Variants in GSTA3 observed in about 807,000 individuals in gnomAD.
GSTA3 encodes the protein glutathione S-transferase A3.
A neutral mutation model predicts 23.1 loss-of-function variants in GSTA3; 16 were observed. The observed-to-expected ratio is 0.69, with a 90% CI of 0.47 to 1.05. The LOEUF is 1.05. Among genes scored for constraint, GSTA3 ranks in the 50% least tolerant of loss-of-function variants. The pLI is 0.00. For missense variants in GSTA3, 319 were observed against 263.6 expected (o/e 1.21, Z -1.46); for synonymous variants, 122 against 91.0 (o/e 1.34, Z -1.94).
chr6:52,908,279 C>T (rs995115007), intron 1 of GSTA3, among the ~76,000 whole-genome samples: 2 of 151,610 alleles, frequency 1.3e-5, no homozygotes, highest in Non-Finnish European at 2.9e-5. Context: ...CCCAGCACTT[C>T]GGAAGGCTGA....
intron 1 of GSTA3, among the ~76,000 whole-genome samples, chr6:52,908,156 C>CTT (rs3063696): frequency 2.5e-4 from 33 of 133,018 alleles, no homozygotes; most frequent in South Asian, 7.5e-4. Context: ...CAAGAGCAAT[C>CTT]TTTTTTTTTT....
intron 1 of GSTA3, among the ~76,000 whole-genome samples, chr6:52,906,602 T>C (rs919756489): frequency 6.6e-6 from 1 of 152,232 alleles, no homozygotes. Context: ...ATGGTACTGG[T>C]ACCAAAACAG....
chr6:52,907,973 AT>A (rs1765950193), intron 1 of GSTA3, among the ~76,000 whole-genome samples: 1 of 151,450 alleles, frequency 6.6e-6, no homozygotes, highest in South Asian at 2.1e-4. Flanking sequence ...TTAAAGTATA[AT>A]AATAATAAAT....
At position 52,905,939 on chromosome 6, in the gene GSTA3, C is replaced by A. The variant is rs1038252067; in HGVS notation, c.-21-84G>T. 6.9e-5 allele frequency: 43 copies of A among 618,706 alleles called. 2 individuals carry two copies. The highest frequency in any genetic ancestry group is 3.6e-4 in the South Asian group (19 of 52,602). The allele number at this position is 618,706 out of a possible 1,614,324, so 38.3% of individuals were successfully genotyped here. On this transcript the variant is annotated intron_variant, in intron 1 of 6. Transcript: ENST00000211122. ...GCACGCTAGTATATGAATGGTTGAA[C>A]AACAGGAGTGTCTTCCTTCCTCATA...
chr6:52,909,264 ATTGTG>A (rs1765990821), intron 1 of GSTA3, among the ~76,000 whole-genome samples: 1 of 152,194 alleles, frequency 6.6e-6, no homozygotes, highest in Non-Finnish European at 1.5e-5. Context: ...ATCTAGTATA[ATTGTG>A]TGTTGACTCC....
chr6:52,899,150 G>T (rs1245952937), intron 5 of GSTA3, among the ~76,000 whole-genome samples: 1 of 152,132 alleles, frequency 6.6e-6, no homozygotes, highest in Non-Finnish European at 1.5e-5. Flanking sequence ...ATCGGAATGA[G>T]TTAGGGTGGA....
Position 52,899,986 on chromosome 6 carries a change from A to G in GSTA3, c.362T>C (p.Ile121Thr). The change falls in exon 5 of 7, where the codon ATT becomes ACT. Residue 121 changes from isoleucine (I) to threonine (T), a missense_variant. Physicochemically the swap from Ile to Thr is moderately conservative, Grantham distance 89 (BLOSUM62 -1). Coordinates refer to ENST00000211122, the MANE Select transcript of GSTA3 (RefSeq NM_000847.5). ...TTTTGTTTTCTCTTTGATCAAGGCA[A>G]TCTTGGCATCTTTTTCCTCAGGTCG... is the stretch of plus-strand genomic sequence containing the variant. ...LCRPEEKDAK[I>T]ALIKEKTKSR... 1 of 1,613,960 alleles carries G rather than the reference A, an allele frequency of 6.2e-7. No homozygotes were observed. Among genetic ancestry groups the G allele is most frequent in the South Asian group, 1.1e-5 (1 of 91,054 alleles).
intron 2 of GSTA3, among the ~76,000 whole-genome samples, chr6:52,903,962 T>C (rs560874139): frequency 3.3e-5 from 5 of 152,238 alleles, no homozygotes; most frequent in Admixed American, 6.5e-5. Flanking sequence ...GGGTCAGAAC[T>C]GCTCAATCTT....
At chr6:52,907,617 T>G (rs1765935941) in intron 1 of GSTA3, among the ~76,000 whole-genome samples, 1 of 151,424 alleles carries the variant, frequency 6.6e-6, no homozygotes, top group Non-Finnish European at 1.5e-5. Flanking sequence ...ATGTGGCACA[T>G]ATACACCATG....
intron 5 of GSTA3, 25 bp downstream of exon 5, chr6:52,899,909 C>T: frequency 3.7e-6 from 6 of 1,613,000 alleles, no homozygotes; most frequent in Non-Finnish European, 5.1e-6. Context: ...CTCAGTGCCC[C>T]AAAATGCTGA....
intron 4 of GSTA3, 112 bp from the exon 5 acceptor site, chr6:52,900,187 TTGGG>T (rs1367916480): frequency 1.8e-5 from 14 of 788,386 alleles, no homozygotes; most frequent in Non-Finnish European, 2.4e-5. Flanking sequence ...TTCATCTCCA[TTGGG>T]TGCCTTTTAT....
At chr6:52,902,143 T>C (rs1474829185) in intron 4 of GSTA3, among the ~76,000 whole-genome samples, 1 of 152,140 alleles carries the variant, frequency 6.6e-6, no homozygotes, top group East Asian at 1.9e-4. Context: ...TGCATCCTCT[T>C]CTAGAATCAC....
At chr6:52,909,167 CA>C (rs1317013451) in intron 1 of GSTA3, among the ~76,000 whole-genome samples, 1 of 152,078 alleles carries the variant, frequency 6.6e-6, no homozygotes, top group Non-Finnish European at 1.5e-5. Flanking sequence ...TTGGAAGTGC[CA>C]GCTCTAGAGG....
chr6:52,908,370 C>G (rs45443100), intron 1 of GSTA3, among the ~76,000 whole-genome samples: 2,762 of 152,062 alleles, frequency 0.018, 48 homozygotes, highest in Middle Eastern at 0.054. Flanking sequence ...AAAAAATTAG[C>G]CAGGATTGGT....
chr6:52,898,510 G>A (rs1317877960), intron 5 of GSTA3, among the ~76,000 whole-genome samples: 1 of 152,116 alleles, frequency 6.6e-6, no homozygotes, highest in Non-Finnish European at 1.5e-5. Context: ...GTTGAATAGA[G>A]AATTCTATAT....
In GSTA3 at chr6:52,896,837, A is replaced by G. The variant is rs751983295; in HGVS notation, c.638T>C (p.Leu213Ser). The change falls in exon 7 of 7, where the codon TTA becomes TCA. Residue 213 changes from leucine (L) to serine (S), a missense_variant. Transcript: ENST00000211122. ...PRKPPADAKA[L>S]EEARKIFRF The stretch of plus-strand genomic sequence containing the variant: ...CCTGAAAATCTTTCTGGCTTCTTCT[A>G]AAGCTTTTGCATCTGCGGGAGGCTT... 1.7e-5 allele frequency: 28 copies of G among 1,614,096 alleles called. No individual in the cohort carries two copies. The highest frequency in any genetic ancestry group is 2.3e-5 in the Non-Finnish European group (27 of 1,179,956).
chr6:52,901,212 AC>A (rs1361367136), intron 4 of GSTA3, among the ~76,000 whole-genome samples: 12 of 152,192 alleles, frequency 7.9e-5, no homozygotes. Flanking sequence ...AAATATCATC[AC>A]ACTCTAATTC....
chr6:52,906,717 A>C (rs1303400619), intron 1 of GSTA3, among the ~76,000 whole-genome samples: 1 of 151,680 alleles, frequency 6.6e-6, no homozygotes, highest in Admixed American at 6.6e-5. Flanking sequence ...TGGGGAAAGG[A>C]TTCCCTATTT....
chr6:52,905,931 T>C, intron 1 of GSTA3, 76 bp from the exon 2 acceptor site: 1 of 662,458 alleles, frequency 1.5e-6, no homozygotes, highest in Non-Finnish European at 2.6e-6. Context: ...AGTATATGAA[T>C]GGTTGAACAA....
Sources: gnomAD v4.1 joint callset for allele counts (sites outside exome capture counted in the v4.1 genomes callset) on GRCh38, gnomAD v4.1.1 for gene constraint, MANE v1.5 for transcripts, NCBI Gene and HGNC (gene_info 2026-07-23, HGNC 2026-07-21) for gene names.